Variants in ARVCF observed in about 807,000 individuals in gnomAD.
ARVCF encodes the protein splicing regulator ARVCF.
Under a neutral mutation model 90.9 loss-of-function variants are expected in ARVCF, and 66 were observed. The observed-to-expected ratio is 0.73, with a 90% CI of 0.60 to 0.89. The LOEUF is 0.89. Among genes scored for constraint, ARVCF ranks in the 40% least tolerant of loss-of-function variants. ARVCF has a pLI of 0.00. For synonymous variants in ARVCF, 653 were observed against 603.4 expected, an observed-to-expected ratio of 1.08 and a Z score of -1.21; for missense variants, 1,469 against 1,382.3, an observed-to-expected ratio of 1.06 and a Z score of -1.00.
rs374797711 is a variant in ARVCF, at chr22:19,981,313, G to T, written c.794C>A (p.Thr265Lys). ...CTCGTCATCAGCGGCCAGGCTGCGC[G>T]TGTCATCCTCCAAGCCATACGGCTC... ...QAEPYGLEDD[T>K]RSLAADDEGG... Residue 265 changes from threonine (T) to lysine (K), a missense_variant, in exon 5 of 20, where the codon ACG becomes AAG. Physicochemically the swap from Thr to Lys is moderately conservative, Grantham distance 78 (BLOSUM62 -1). Coordinates refer to ENST00000263207, the MANE Select transcript of ARVCF (RefSeq NM_001670.3). 6.9e-6 allele frequency: 11 copies of T among 1,599,504 alleles called. No homozygotes were observed. The African/African-American group carries it at 1.1e-4, about 16-fold the overall frequency.
rs868673489 is a variant in ARVCF, at chr22:19,970,096, G to A, written c.*660C>T. The A allele has an allele frequency of 2.7e-5, 27 of 985,526 alleles. No individual in the cohort carries two copies. In the Middle Eastern group the frequency reaches 3.1e-3, roughly 114 times the overall value. 61.0% of individuals were successfully genotyped at this position (985,526 alleles called of 1,614,324 possible). A position where few individuals can be genotyped will look rare whatever the true frequency, so the allele number is the denominator to read the frequency against. On this transcript the variant is annotated 3_prime_UTR_variant, in exon 20 of 20. Coordinates refer to ENST00000263207, the MANE Select transcript of ARVCF (RefSeq NM_001670.3). The stretch of plus-strand genomic sequence containing the variant: ...GCTGCCCAGGCTCCAGGCAGATGCG[G>A]CAGCCCCGGCCCCAGCCAGCATGGG...
intron 18 of ARVCF, 133 bp from the exon 19 acceptor site, chr22:19,971,468 G>A: frequency 8.7e-7 from 1 of 1,147,562 alleles, no homozygotes; most frequent in Non-Finnish European, 1.2e-6. Context: ...GTAGCACCAA[G>A]GGCGCAGGGA....
downstream of ARVCF, among the ~76,000 whole-genome samples, chr22:19,966,783 C>T (rs174698): frequency 3.8e-3 from 554 of 147,274 alleles, 3 homozygotes; most frequent in Non-Finnish European, 6.8e-3. Flanking sequence ...CTCGCTCTGT[C>T]GCCCAGGCTG....
intron 11 of ARVCF, 29 bp downstream of exon 11, chr22:19,975,657 T>A (rs1943110170): frequency 2.5e-6 from 4 of 1,612,374 alleles, no homozygotes; most frequent in Non-Finnish European, 3.4e-6. Flanking sequence ...CATCCCCCAG[T>A]GGAGCTGGCT....
intron 14 of ARVCF, 31 bp from the exon 15 acceptor site, chr22:19,973,067 C>CCCCCA: frequency 6.3e-7 from 1 of 1,585,944 alleles, no homozygotes; most frequent in South Asian, 1.1e-5. Context: ...TCAGTGGTGG[C>CCCCCA]CCCTCCCCCA....
intron 3 of ARVCF, among the ~76,000 whole-genome samples, chr22:19,985,214 C>A (rs28452518): frequency 0.056 from 8,599 of 152,236 alleles, 775 homozygotes; most frequent in African/African-American, 0.19. Context: ...CTCTCATCAC[C>A]CCCTCCCCAG....
At position 19,977,411 on chromosome 22, in the gene ARVCF, C is replaced by A; in HGVS notation, c.1870+4G>T. 3 of 1,512,818 alleles carry A rather than the reference C, an allele frequency of 2.0e-6. No individual in the cohort carries two copies. The highest frequency in any genetic ancestry group is 2.7e-6 in the Non-Finnish European group (3 of 1,129,362). The allele number at this position is 1,512,818 out of a possible 1,614,324, so 93.7% of individuals were successfully genotyped here. ...GAGATGATACCCCAGTCCGCCCCAC[C>A]CACCTTTGGCCTTCTTGCCTCCAAA... On this transcript the variant is annotated splice_donor_region_variant and intron_variant, in intron 9 of 19. Coordinates refer to ENST00000263207, the MANE Select transcript of ARVCF (RefSeq NM_001670.3).
At chr22:19,975,877 G>A in intron 10 of ARVCF, 120 bp from the exon 11 acceptor site, 1 of 967,192 alleles carries the variant, frequency 1.0e-6, no homozygotes, top group Non-Finnish European at 1.6e-6. Flanking sequence ...GTCCAGGCCT[G>A]GGCACCTGTG....
chr22:19,979,866 G>T lies in ARVCF; in HGVS notation c.1273C>A (p.Arg425Ser), dbSNP rs778178678. ...GTGTCGCGGCCATAGGAGAGGTTGCGCAGTGCCCCACAGGCCCGGCGCCGC... is the reference window on the plus strand; with the variant it reads ...GTGTCGCGGCCATAGGAGAGGTTGCTCAGTGCCCCACAGGCCCGGCGCCGC... ...EVRRRACGAL[R>S]NLSYGRDTDN... Residue 425 changes from arginine (R) to serine (S), a missense_variant, in exon 6 of 20, where the codon CGC becomes AGC. Coordinates refer to ENST00000263207, the MANE Select transcript of ARVCF (RefSeq NM_001670.3). The T allele has an allele frequency of 6.2e-7, 1 of 1,608,582 alleles. No homozygotes were observed.
chr22:19,994,549 C>A (rs1379531179), intron 2 of ARVCF, among the ~76,000 whole-genome samples: 1 of 39,456 alleles, frequency 2.5e-5, no homozygotes, highest in Admixed American at 3.6e-4. Flanking sequence ...GATGAACAAA[C>A]AGATGAATGG....
intron 3 of ARVCF, 148 bp from the exon 4 acceptor site, chr22:19,982,239 G>A (rs1459486745): frequency 3.5e-5 from 37 of 1,055,932 alleles, no homozygotes; most frequent in African/African-American, 1.6e-5. Flanking sequence ...CCACCCCAAG[G>A]CCTGTTTCGG....
At chr22:19,987,196 C>A (rs1002872263) in intron 3 of ARVCF, 3 of 398,194 alleles carry the variant, frequency 7.5e-6, no homozygotes, top group East Asian at 3.7e-5. Context: ...TCGGCGGACT[C>A]GCTCCCCGCG....
chr22:19,982,233 C>T (rs970008860), intron 3 of ARVCF, 142 bp from the exon 4 acceptor site: 1 of 1,168,750 alleles, frequency 8.6e-7, no homozygotes, highest in South Asian at 1.6e-5. Context: ...ACCCACCCAC[C>T]CCAAGGCCTG....
chr22:19,972,875 G>A lies in ARVCF; in HGVS notation c.2551-48C>T, dbSNP rs1253302921. The A allele has an allele frequency of 3.1e-6, 5 of 1,613,670 alleles. 1 individual carries two copies. In the East Asian group the frequency reaches 6.7e-5, roughly 22 times the overall value. On this transcript the variant is annotated intron_variant, in intron 15 of 19. Transcript: ENST00000263207. ...AGGGTGGGTGAAGCACATGGAGTGGGAATAAGGCAAAGTGAGCAGGGAATG... is the reference window on the plus strand; with the variant it reads ...AGGGTGGGTGAAGCACATGGAGTGGAAATAAGGCAAAGTGAGCAGGGAATG...
rs755467214 is a variant in ARVCF, at chr22:19,972,004, G to A, written c.2696-33C>T. The A allele has an allele frequency of 1.0e-5, 16 of 1,552,336 alleles. No individual in the cohort carries two copies. The South Asian group carries it at 1.1e-4, about 10-fold the overall frequency. On this transcript the variant is annotated intron_variant, in intron 17 of 19. Transcript: ENST00000263207. The stretch of plus-strand genomic sequence containing the variant: ...TGGGGTAAGGTGGGGCATGAGGGGC[G>A]CTCTGAGGGAGGCCCTGTAGGAGCA...
At chr22:19,994,405 A>G (rs1944150580) in intron 2 of ARVCF, among the ~76,000 whole-genome samples, 1 of 136,788 alleles carries the variant, frequency 7.3e-6, no homozygotes, top group African/African-American at 2.8e-5. Flanking sequence ...CAAATAAATG[A>G]ATGGATGGAT....
At chr22:19,965,865 G>C (rs1942363714), downstream of ARVCF, among the ~76,000 whole-genome samples, 1 of 152,142 alleles carries the variant, frequency 6.6e-6, no homozygotes, top group African/African-American at 2.4e-5. Flanking sequence ...GGTAGCTGGA[G>C]GGGGGCTCAC....
intron 2 of ARVCF, among the ~76,000 whole-genome samples, chr22:19,996,001 G>A (rs993557405): frequency 6.6e-6 from 1 of 152,164 alleles, no homozygotes; most frequent in Non-Finnish European, 1.5e-5. Flanking sequence ...GGCCTTGTGG[G>A]GGCCCCATGT....
At chr22:19,985,000 C>A (rs1156461373) in intron 3 of ARVCF, among the ~76,000 whole-genome samples, 1 of 152,174 alleles carries the variant, frequency 6.6e-6, no homozygotes, top group Non-Finnish European at 1.5e-5. Context: ...GCTGCAGTCC[C>A]TGGATCCCTG....
Sources: gnomAD v4.1 joint callset for allele counts (sites outside exome capture counted in the v4.1 genomes callset) on GRCh38, gnomAD v4.1.1 for gene constraint, MANE v1.5 for transcripts, NCBI Gene and HGNC (gene_info 2026-07-23, HGNC 2026-07-21) for gene names.